Variants in THSD7B observed in about 807,000 individuals in gnomAD.
THSD7B encodes thrombospondin type 1 domain containing 7B.
In THSD7B, 138 loss-of-function variants were observed where a neutral mutation model predicts 213.6. The observed-to-expected ratio is 0.65, with a 90% CI of 0.56 to 0.74. THSD7B has a LOEUF of 0.74. Ranked by LOEUF, THSD7B falls within the 30% of genes least tolerant of loss-of-function variation. THSD7B has a pLI of 0.00. For synonymous variants in THSD7B, 742 were observed against 687.0 expected, an observed-to-expected ratio of 1.08 and a Z score of -1.25; for missense variants, 1,931 against 1,991.5, an observed-to-expected ratio of 0.97 and a Z score of 0.58.
intron 7 of THSD7B, among the ~76,000 whole-genome samples, chr2:137,211,340 A>ACACACACACACACACACACAGAGG (rs1681101336): frequency 5.6e-5 from 6 of 107,692 alleles, no homozygotes; most frequent in Admixed American, 9.5e-5. Flanking sequence ...CTACACACAC[A>ACACACACACACACACACACAGAGG]CACACACACA....
intron 15 of THSD7B, among the ~76,000 whole-genome samples, chr2:137,466,056 T>G (rs745916721): frequency 6.6e-6 from 1 of 152,192 alleles, no homozygotes; most frequent in Non-Finnish European, 1.5e-5. Flanking sequence ...ATCCTCATGC[T>G]ATATAATTAA....
chr2:137,398,401 A>T (rs1253451175), intron 12 of THSD7B, among the ~76,000 whole-genome samples: 1 of 149,108 alleles, frequency 6.7e-6, no homozygotes. Flanking sequence ...CCTCAGCTGC[A>T]GGTCTGTTGG....
intron 2 of THSD7B, among the ~76,000 whole-genome samples, chr2:136,912,321 CAAAAAAAAA>C (rs1159184476): frequency 0.059 from 3,255 of 55,538 alleles, 62 homozygotes; most frequent in South Asian, 0.16. Context: ...GACTCCATCT[CAAAAAAAAA>C]AAAAAAAAAA....
At chr2:137,494,667 A>G (rs1679518622) in intron 15 of THSD7B, among the ~76,000 whole-genome samples, 1 of 152,096 alleles carries the variant, frequency 6.6e-6, no homozygotes, top group Admixed American at 6.6e-5. Context: ...TGTTTTTATT[A>G]CCTTACATCT....
At chr2:137,585,196 A>C (rs1681692770) in intron 17 of THSD7B, among the ~76,000 whole-genome samples, 1 of 151,980 alleles carries the variant, frequency 6.6e-6, no homozygotes, top group Non-Finnish European at 1.5e-5. Flanking sequence ...CCTTTTTATC[A>C]TTCTTTTATT....
At chr2:137,307,009 G>A (rs1683766105) in intron 12 of THSD7B, among the ~76,000 whole-genome samples, 1 of 152,068 alleles carries the variant, frequency 6.6e-6, no homozygotes, top group Admixed American at 6.6e-5. Flanking sequence ...TGTTCATCTT[G>A]ACCTTTGTCT....
At chr2:137,401,228 C>T (rs1167604795) in intron 12 of THSD7B, among the ~76,000 whole-genome samples, 1 of 152,086 alleles carries the variant, frequency 6.6e-6, no homozygotes, top group Non-Finnish European at 1.5e-5. Flanking sequence ...AGGAGTTGTG[C>T]AATGGAAGGG....
At chr2:136,953,024 A>G (rs1248939452) in intron 2 of THSD7B, among the ~76,000 whole-genome samples, 1 of 152,228 alleles carries the variant, frequency 6.6e-6, no homozygotes, top group Non-Finnish European at 1.5e-5. Context: ...CAGGAAAAAA[A>G]TGAAGATTAG....
At chr2:136,811,704 A>C (rs1199192321) in intron 1 of THSD7B, among the ~76,000 whole-genome samples, 1 of 152,160 alleles carries the variant, frequency 6.6e-6, no homozygotes, top group African/African-American at 2.4e-5. Context: ...ACAGTGTTTA[A>C]AATCTTTTTG....
chr2:137,163,085 G>A (rs993696813), intron 6 of THSD7B, among the ~76,000 whole-genome samples: 5 of 151,982 alleles, frequency 3.3e-5, no homozygotes, highest in Non-Finnish European at 5.9e-5. Flanking sequence ...CGGATAATTC[G>A]GAACTGGCCC....
chr2:137,414,216 G>A (rs1379093068), intron 14 of THSD7B, among the ~76,000 whole-genome samples: 2 of 152,046 alleles, frequency 1.3e-5, no homozygotes, highest in South Asian at 2.1e-4. Context: ...AAAATTTACT[G>A]TAGCCTCATA....
intron 9 of THSD7B, among the ~76,000 whole-genome samples, chr2:137,238,534 CTTTTTTT>C (rs869146863): frequency 1.2e-4 from 6 of 51,874 alleles, no homozygotes; most frequent in East Asian, 6.6e-4. Context: ...ACTCATCTTT[CTTTTTTT>C]TTTTTTTTTT....
intron 1 of THSD7B, among the ~76,000 whole-genome samples, chr2:136,800,180 T>C (rs1269481116): frequency 6.6e-6 from 1 of 152,046 alleles, no homozygotes; most frequent in Non-Finnish European, 1.5e-5. Flanking sequence ...CTATAATCAT[T>C]TACAGAGGAT....
intron 2 of THSD7B, among the ~76,000 whole-genome samples, chr2:137,008,087 A>G (rs1686151212): frequency 6.6e-6 from 1 of 152,104 alleles, no homozygotes; most frequent in African/African-American, 2.4e-5. Flanking sequence ...TAGCAAAGAC[A>G]TGAAAAAGTG....
intron 15 of THSD7B, among the ~76,000 whole-genome samples, chr2:137,485,696 G>C: frequency 6.6e-6 from 1 of 152,164 alleles, no homozygotes; most frequent in Non-Finnish European, 1.5e-5. Context: ...ATAATTGTCA[G>C]ATTCACCAAA....
chr2:137,483,523 T>C (rs1180962488), intron 15 of THSD7B, among the ~76,000 whole-genome samples: 5 of 152,246 alleles, frequency 3.3e-5, no homozygotes, highest in African/African-American at 4.8e-5. Context: ...GCCTAACTCT[T>C]ACCCTGAAGG....
At chr2:137,279,363 C>T (rs1378966216) in intron 12 of THSD7B, among the ~76,000 whole-genome samples, 1 of 151,952 alleles carries the variant, frequency 6.6e-6, no homozygotes, top group East Asian at 1.9e-4. Flanking sequence ...TAACGAGACC[C>T]TGTCTCTACA....
chr2:136,877,163 T>C (rs1228533604), intron 1 of THSD7B, among the ~76,000 whole-genome samples: 1 of 152,218 alleles, frequency 6.6e-6, no homozygotes, highest in Non-Finnish European at 1.5e-5. Context: ...TGTAATAGTA[T>C]ACTAACTTAA....
At chr2:137,120,015 G>A in intron 5 of THSD7B, among the ~76,000 whole-genome samples, 1 of 152,156 alleles carries the variant, frequency 6.6e-6, no homozygotes. Flanking sequence ...CAGGAAAGTA[G>A]TACACTAAGA....
Sources: gnomAD v4.1 joint callset for allele counts (sites outside exome capture counted in the v4.1 genomes callset) on GRCh38, gnomAD v4.1.1 for gene constraint, MANE v1.5 for transcripts, NCBI Gene and HGNC (gene_info 2026-07-23, HGNC 2026-07-21) for gene names.